Variants in CNTNAP2 observed in about 807,000 individuals in gnomAD.
CNTNAP2 encodes contactin associated protein 2, also known as contactin-associated protein-like 2.
CNTNAP2 carries 98 observed loss-of-function variants against 155.2 expected under a neutral mutation model. The ratio of observed to expected loss-of-function variants is 0.63; its 90% CI spans 0.54 to 0.75. The LOEUF (loss-of-function observed/expected upper bound fraction) is 0.75, where lower values mean the gene tolerates loss of function less well. CNTNAP2 is among the 30% of genes least tolerant of loss of function. CNTNAP2 has a pLI of 0.00. For synonymous variants in CNTNAP2, 651 were observed against 631.2 expected, an observed-to-expected ratio of 1.03 and a Z score of -0.47; for missense variants, 1,727 against 1,688.1, an observed-to-expected ratio of 1.02 and a Z score of -0.40.
chr7:147,181,431 C>A (rs1054526351), intron 8 of CNTNAP2, among the ~76,000 whole-genome samples: 2 of 152,144 alleles, frequency 1.3e-5, no homozygotes, highest in Admixed American at 6.5e-5. Context: ...TACTTAAAAT[C>A]TTTGGTAAGT....
Position 147,977,886 on chromosome 7 carries a change from A to G in CNTNAP2, c.2280A>G (p.Ser760=), listed in dbSNP as rs10240503. The G allele has an allele frequency of 0.13, 211,153 of 1,613,136 alleles. 19,805 individuals carry two copies. Among genetic ancestry groups the G allele is most frequent in the African/African-American group, 0.49 (36,500 of 74,838 alleles). ...KQWRKDAGFL[S]YKDHLPVSQV... is the part of the protein sequence containing the mutation. Reference sequence around the variant, plus strand: ...GGAGGAAGGATGCTGGTTTCTTATCATACAAAGATCACCTGCCAGTGAGCC... The same window carrying G: ...GGAGGAAGGATGCTGGTTTCTTATCGTACAAAGATCACCTGCCAGTGAGCC... Residue 760 remains serine (S), a synonymous_variant, in exon 15 of 24, where the codon TCA becomes TCG. Coordinates refer to ENST00000361727, the MANE Select transcript of CNTNAP2 (RefSeq NM_014141.6).
intron 3 of CNTNAP2, among the ~76,000 whole-genome samples, chr7:146,840,186 G>T (rs925959716): frequency 1.3e-5 from 2 of 152,116 alleles, no homozygotes; most frequent in African/African-American, 4.8e-5. Context: ...CCAGAATCAC[G>T]TAAGTTGAAA....
At chr7:146,937,361 A>C (rs1796939713) in intron 3 of CNTNAP2, among the ~76,000 whole-genome samples, 2 of 134,390 alleles carry the variant, frequency 1.5e-5, no homozygotes, top group African/African-American at 5.3e-5. Flanking sequence ...CAAAAAAAAA[A>C]ATAAAAATAA....
At chr7:146,433,982 A>G (rs1284100386) in intron 1 of CNTNAP2, among the ~76,000 whole-genome samples, 1 of 152,142 alleles carries the variant, frequency 6.6e-6, no homozygotes, top group Non-Finnish European at 1.5e-5. Flanking sequence ...GGTCTTGACT[A>G]TTACAGTTCT....
intron 1 of CNTNAP2, among the ~76,000 whole-genome samples, chr7:146,513,025 T>G (rs968519639): frequency 1.3e-5 from 2 of 151,994 alleles, no homozygotes; most frequent in African/African-American, 4.8e-5. Flanking sequence ...ATTGACCCTT[T>G]TATAATTACA....
intron 3 of CNTNAP2, among the ~76,000 whole-genome samples, chr7:147,035,622 G>A (rs990967552): frequency 6.6e-6 from 1 of 152,132 alleles, no homozygotes; most frequent in Non-Finnish European, 1.5e-5. Context: ...TATGAGACCT[G>A]TTGTCAGTAG....
At chr7:146,494,097 G>A (rs900780088) in intron 1 of CNTNAP2, among the ~76,000 whole-genome samples, 1 of 152,122 alleles carries the variant, frequency 6.6e-6, no homozygotes, top group Non-Finnish European at 1.5e-5. Flanking sequence ...ACTTTTGGGA[G>A]GCCGAGGCGG....
intron 22 of CNTNAP2, among the ~76,000 whole-genome samples, chr7:148,388,413 C>T (rs1461320818): frequency 2.7e-5 from 4 of 150,804 alleles, no homozygotes; most frequent in African/African-American, 7.3e-5. Flanking sequence ...TTTGTCCTTG[C>T]GATAGTTTAC....
chr7:147,139,701 G>C (rs1170710185), intron 8 of CNTNAP2, among the ~76,000 whole-genome samples: 2 of 151,992 alleles, frequency 1.3e-5, no homozygotes, highest in Admixed American at 6.6e-5. Flanking sequence ...CAGCCTTCTT[G>C]GGGGAGGGAT....
At chr7:148,283,266 A>G (rs1319203743) in intron 21 of CNTNAP2, among the ~76,000 whole-genome samples, 1 of 83,576 alleles carries the variant, frequency 1.2e-5, no homozygotes, top group Non-Finnish European at 2.4e-5. Context: ...AAAGAAAGAA[A>G]GAAAGAAAGA....
chr7:148,133,720 G>C (rs566073379), intron 16 of CNTNAP2: 5 of 152,284 alleles, frequency 3.3e-5, no homozygotes, highest in African/African-American at 1.2e-4. Flanking sequence ...GGATGCACAG[G>C]GACCAGGAAG....
intron 1 of CNTNAP2, among the ~76,000 whole-genome samples, chr7:146,637,574 G>A (rs1294702971): frequency 2.0e-5 from 3 of 152,078 alleles, no homozygotes; most frequent in Admixed American, 6.6e-5. Context: ...ACTCTTGCTC[G>A]ATATTGATTG....
At chr7:148,105,700 G>A (rs777088650) in intron 15 of CNTNAP2, among the ~76,000 whole-genome samples, 11 of 151,838 alleles carry the variant, frequency 7.2e-5, no homozygotes, top group Non-Finnish European at 1.6e-4. Context: ...TGATTCTCCT[G>A]CCTCATCTCC....
At chr7:148,396,912 T>G (rs767900095) in intron 22 of CNTNAP2, among the ~76,000 whole-genome samples, 4 of 152,172 alleles carry the variant, frequency 2.6e-5, no homozygotes, top group Non-Finnish European at 5.9e-5. Flanking sequence ...ACATAGAAAA[T>G]AAGATGAATT....
At chr7:146,244,732 G>A (rs1799617368) in intron 1 of CNTNAP2, among the ~76,000 whole-genome samples, 1 of 152,118 alleles carries the variant, frequency 6.6e-6, no homozygotes, top group Non-Finnish European at 1.5e-5. Flanking sequence ...CTGTATAGAG[G>A]TGGGAAGGCT....
At chr7:147,490,224 C>G (rs140661570) in intron 11 of CNTNAP2, among the ~76,000 whole-genome samples, 14 of 152,212 alleles carry the variant, frequency 9.2e-5, no homozygotes, top group African/African-American at 3.4e-4. Flanking sequence ...ATATAATTCT[C>G]TTTTAATTTT....
chr7:146,260,085 C>T (rs975896658), intron 1 of CNTNAP2, among the ~76,000 whole-genome samples: 13 of 152,206 alleles, frequency 8.5e-5, no homozygotes, highest in Non-Finnish European at 1.6e-4. Flanking sequence ...GCAGCTTGAG[C>T]CATTGCTTCA....
intron 9 of CNTNAP2, among the ~76,000 whole-genome samples, chr7:147,340,191 T>C (rs1385594902): frequency 6.6e-6 from 1 of 152,168 alleles, no homozygotes; most frequent in Non-Finnish European, 1.5e-5. Flanking sequence ...TTGAATATCA[T>C]GTATACCCTG....
At chr7:148,315,245 G>A (rs546935033) in intron 21 of CNTNAP2, among the ~76,000 whole-genome samples, 30 of 152,322 alleles carry the variant, frequency 2.0e-4, no homozygotes, top group Admixed American at 2.0e-4. Context: ...AACAGGCTTT[G>A]TGTGAGCAAC....
Sources: gnomAD v4.1 joint callset for allele counts (sites outside exome capture counted in the v4.1 genomes callset) on GRCh38, gnomAD v4.1.1 for gene constraint, MANE v1.5 for transcripts, NCBI Gene and HGNC (gene_info 2026-07-23, HGNC 2026-07-21) for gene names.